The following PGAP2 variants were observed in gnomAD, a reference collection of about 807,000 sequenced individuals.
PGAP2 encodes acyltransferase PGAP2.
A neutral mutation model predicts 33.2 loss-of-function variants in PGAP2; 21 were observed. The observed-to-expected ratio is 0.63, with a 90% CI of 0.45 to 0.91. The LOEUF is 0.91. Ranked by LOEUF, PGAP2 falls within the 40% of genes least tolerant of loss-of-function variation. The pLI, the probability that PGAP2 is intolerant of heterozygous loss-of-function variation, is 0.00. For missense variants in PGAP2, 345 were observed against 424.0 expected (o/e 0.81, Z 1.64); for synonymous variants, 161 against 172.9 (o/e 0.93, Z 0.54).
chr11:3,823,987 G>C lies in PGAP2; in HGVS notation c.453G>C (p.Leu151Phe). The C allele has an allele frequency of 3.7e-6, 6 of 1,613,498 alleles. No individual in the cohort carries two copies. The highest frequency in any genetic ancestry group is 4.2e-6 in the Non-Finnish European group (5 of 1,180,016). The change falls in exon 4 of 7, where the codon TTG (leucine) becomes TTC (phenylalanine). Residue 151 changes from leucine to phenylalanine, a missense_variant. This residue lies in a region of PGAP2 where 311 missense variants were observed against 353.6 expected (regional missense o/e 0.88). Coordinates refer to ENST00000278243, the MANE Select transcript of PGAP2 (RefSeq NM_014489.4). The stretch of plus-strand genomic sequence containing the variant: ...GCCTGCACTCGGCGCCTCGCTTCTT[G>C]GTGGCCTTCGCCTACTGGAACCACT... ...CIGLHSAPRFLVAFAYWNHYL... is the reference protein window; with the variant it reads ...CIGLHSAPRFFVAFAYWNHYL...
chr11:3,805,268 T>TG (rs1261276681), upstream of PGAP2, among the ~76,000 whole-genome samples: 3 of 150,146 alleles, frequency 2.0e-5, no homozygotes, highest in East Asian at 5.9e-4. Flanking sequence ...TCTTTTTTTT[T>TG]TTTTTTTTTT....
chr11:3,822,262 G>T (rs910163571), intron 3 of PGAP2, among the ~76,000 whole-genome samples: 6 of 152,262 alleles, frequency 3.9e-5, no homozygotes, highest in African/African-American at 1.2e-4. Context: ...TACTCGGGAG[G>T]CTGAGGCAGG....
At chr11:3,801,438 C>A (rs1288509521) in intron 1 of PGAP2, among the ~76,000 whole-genome samples, 1 of 148,496 alleles carries the variant, frequency 6.7e-6, no homozygotes, top group Non-Finnish European at 1.5e-5. Flanking sequence ...GTCAGGAGAT[C>A]GAGACCATCC....
chr11:3,804,494 G>T (rs1222782651), upstream of PGAP2, among the ~76,000 whole-genome samples: 1 of 152,066 alleles, frequency 6.6e-6, no homozygotes, highest in Non-Finnish European at 1.5e-5. Flanking sequence ...CAGTGGCAGA[G>T]CTTGGTCTAA....
At position 3,821,942 on chromosome 11, in the gene PGAP2, T is replaced by C. The variant is rs569513318; in HGVS notation, c.349-1941T>C. ...CCAAAAAATTAGCCAGGCATGGTGG[T>C]GGCTACTTGGGAGGCTAAGGTGGGA... On this transcript the variant is annotated intron_variant, in intron 3 of 6. Coordinates refer to ENST00000278243, the MANE Select transcript of PGAP2 (RefSeq NM_014489.4). 6.1e-5 allele frequency among the ~76,000 whole-genome samples: 9 copies of C among 148,012 alleles called. No homozygotes were observed. The East Asian group carries it at 1.8e-3, about 29-fold the overall frequency.
At chr11:3,810,004 G>A (rs1447817002) in intron 1 of PGAP2, among the ~76,000 whole-genome samples, 2 of 152,192 alleles carry the variant, frequency 1.3e-5, no homozygotes, top group African/African-American at 4.8e-5. Flanking sequence ...AGGTCTTTGA[G>A]CCCAGAAGGG....
In PGAP2 at chr11:3,825,885, TCTA is replaced by T. The variant is rs1450913041; in HGVS notation, c.*430_*432del. 2 of 178,044 alleles carry T rather than the reference TCTA, an allele frequency of 1.1e-5. No individual in the cohort carries two copies. The highest frequency in any genetic ancestry group is 2.4e-5 in the African/African-American group (1 of 42,156). The allele number at this position is 178,044 out of a possible 1,614,324, so 11.0% of individuals were successfully genotyped here. ...TTCATAGGACTAATGTATTTCATGA[TCTA>T]CTGTGCACATCCAGGCCTGTGGCCA... On this transcript the variant is annotated 3_prime_UTR_variant, in exon 7 of 7. Coordinates refer to ENST00000278243, the MANE Select transcript of PGAP2 (RefSeq NM_014489.4).
At chr11:3,814,752 C>CCT (rs2086423180) in intron 2 of PGAP2, among the ~76,000 whole-genome samples, 1 of 79,420 alleles carries the variant, frequency 1.3e-5, no homozygotes, top group African/African-American at 5.7e-5. Flanking sequence ...TCCTTCTTTT[C>CCT]TTTCTTTCTT....
At chr11:3,798,334 T>A (rs1166247277) in intron 1 of PGAP2, among the ~76,000 whole-genome samples, 1 of 152,206 alleles carries the variant, frequency 6.6e-6, no homozygotes, top group African/African-American at 2.4e-5. Flanking sequence ...ATTCTTTTTT[T>A]TTCTTTTTCT....
At chr11:3,822,969 T>G in intron 3 of PGAP2, 1 of 1,535,294 alleles carries the variant, frequency 6.5e-7, no homozygotes, top group Non-Finnish European at 8.8e-7. Context: ...CACAAGAACA[T>G]GGTCATTTCC....
intron 2 of PGAP2, among the ~76,000 whole-genome samples, chr11:3,815,813 G>C (rs2086877320): frequency 6.6e-6 from 1 of 152,166 alleles, no homozygotes; most frequent in South Asian, 2.1e-4. Context: ...TCATATTCAG[G>C]CTTGTTGAGA....
At position 3,797,864 on chromosome 11, in the gene PGAP2, C is replaced by A. The variant is rs774100860; in HGVS notation, c.21C>A (p.Thr7=). Residue 7 remains threonine, a synonymous_variant, in exon 1 of 7, where the codon ACC becomes ACA. Coordinates refer to the PGAP2 transcript ENST00000300730. ...TGTGAATGGCTAGATTGGGAAGCAC[C>A]GGCGGGGTGTCGGGAAGGGTGGTGA... The A allele has an allele frequency of 4.1e-5, 63 of 1,550,234 alleles. No homozygotes were observed. In the African/African-American group the frequency reaches 5.6e-4, roughly 14 times the overall value.
At chr11:3,809,825 C>A (rs1268793924) in intron 1 of PGAP2, among the ~76,000 whole-genome samples, 1 of 152,170 alleles carries the variant, frequency 6.6e-6, no homozygotes, top group African/African-American at 2.4e-5. Flanking sequence ...GCTGCCTGAT[C>A]AGGTCTGGCA....
At chr11:3,797,889 A>T (rs1185684524) in exon 1 of PGAP2, 1 of 1,549,236 alleles carries the variant, frequency 6.5e-7, no homozygotes, top group East Asian at 2.5e-5. Context: ...AAGGGTGGTG[A>T]CGCAACATAG....
At chr11:3,798,901 C>G (rs1484879464) in intron 1 of PGAP2, among the ~76,000 whole-genome samples, 1 of 152,236 alleles carries the variant, frequency 6.6e-6, no homozygotes, top group Non-Finnish European at 1.5e-5. Context: ...CCTCGGCCTC[C>G]CACAGTGCTG....
At position 3,823,982 on chromosome 11, in the gene PGAP2, T is replaced by C; in HGVS notation, c.448T>C (p.Phe150Leu). The change falls in exon 4 of 7, where the codon TTC becomes CTC. Residue 150 changes from phenylalanine (F) to leucine (L), a missense_variant. This residue lies in a region of PGAP2 where 311 missense variants were observed against 353.6 expected (regional missense o/e 0.88). Coordinates refer to ENST00000278243, the MANE Select transcript of PGAP2 (RefSeq NM_014489.4). The part of the protein sequence containing the change: ...FCIGLHSAPR[F>L]LVAFAYWNHY... ...CATCGGCCTGCACTCGGCGCCTCGC[T>C]TCTTGGTGGCCTTCGCCTACTGGAA... is the stretch of plus-strand genomic sequence containing the variant. 1 of 1,613,216 alleles carries C rather than the reference T, an allele frequency of 6.2e-7. No homozygotes were observed. The highest frequency in any genetic ancestry group is 8.5e-7 in the Non-Finnish European group (1 of 1,179,996).
chr11:3,822,762 C>A (rs149742337), intron 3 of PGAP2: 19 of 512,370 alleles, frequency 3.7e-5, no homozygotes, highest in Middle Eastern at 3.3e-4. Context: ...CTGCTCTAGG[C>A]CCTGGAGTCT....
intron 3 of PGAP2, chr11:3,823,674 G>A (rs777040180): frequency 5.1e-6 from 8 of 1,562,118 alleles, no homozygotes; most frequent in South Asian, 2.3e-5. Flanking sequence ...CAAATCCCAG[G>A]ATAGCTGGGG....
intron 6 of PGAP2, 43 bp downstream of exon 6, chr11:3,825,171 G>A (rs551878460): frequency 1.3e-4 from 208 of 1,596,620 alleles, no homozygotes; most frequent in Non-Finnish European, 1.7e-4. Context: ...GAGTGGCTGC[G>A]GGGCAGCAAT....
Sources: gnomAD v4.1 joint callset for allele counts (sites outside exome capture counted in the v4.1 genomes callset) on GRCh38, gnomAD v4.1.1 for gene constraint, gnomAD v4.1.1 regional missense constraint, MANE v1.5 for transcripts, NCBI Gene and HGNC (gene_info 2026-07-23, HGNC 2026-07-21) for gene names.